Variants in ZNF425 observed in about 807,000 individuals in gnomAD.
The protein encoded by ZNF425 is zinc finger protein 425.
A neutral mutation model predicts 17.0 loss-of-function variants in ZNF425; 21 were observed. The ratio of observed to expected loss-of-function variants is 1.23; its 90% CI spans 0.88 to 1.78. ZNF425 has a LOEUF of 1.78. ZNF425 is among the 40% of genes most tolerant of loss of function. ZNF425 has a pLI of 0.00. For synonymous variants in ZNF425, 433 were observed against 384.1 expected, an observed-to-expected ratio of 1.13 and a Z score of -1.49; for missense variants, 868 against 967.3, an observed-to-expected ratio of 0.90 and a Z score of 1.36.
intron 1 of ZNF425, among the ~76,000 whole-genome samples, chr7:149,120,476 C>T (rs1826332263): frequency 6.6e-6 from 1 of 152,168 alleles, no homozygotes; most frequent in Admixed American, 6.6e-5. Context: ...TCCTTGAGAT[C>T]CATCCAAGTT....
At chr7:149,125,900 A>C in intron 1 of ZNF425, 1 of 579,434 alleles carries the variant, frequency 1.7e-6, no homozygotes, top group East Asian at 3.0e-5. Flanking sequence ...TAGCGCATAT[A>C]CAGCGCAGAG....
chr7:149,107,360 C>T (rs573860451), intron 3 of ZNF425, among the ~76,000 whole-genome samples: 72 of 144,582 alleles, frequency 5.0e-4, no homozygotes, highest in African/African-American at 1.8e-3. Context: ...TTTTCTGAGA[C>T]AGAGTCTAGC....
chr7:149,116,538 C>T (rs936079746), intron 2 of ZNF425, among the ~76,000 whole-genome samples: 2 of 152,124 alleles, frequency 1.3e-5, no homozygotes, highest in African/African-American at 4.8e-5. Flanking sequence ...TGAAATCGCA[C>T]CAGAACGGCC....
At chr7:149,105,948 A>AT (rs1563145216) in intron 3 of ZNF425, among the ~76,000 whole-genome samples, 2 of 118,234 alleles carry the variant, frequency 1.7e-5, no homozygotes, top group East Asian at 2.5e-4. Flanking sequence ...TTTAAAAAAA[A>AT]TTTTTTTCCT....
Position 149,121,324 on chromosome 7 carries a change from T to C in ZNF425, c.19-2976A>G, listed in dbSNP as rs1166569991. ...TTTAGCCGGGATGGTCTCGATCTCC[T>C]GACCTCGTGATCCGCCCGCCTCGGC... On this transcript the variant is annotated intron_variant, in intron 1 of 3. Coordinates refer to ENST00000378061, the MANE Select transcript of ZNF425 (RefSeq NM_001001661.3). Among the ~76,000 whole-genome samples, 4 of 30,730 alleles carry C rather than the reference T, an allele frequency of 1.3e-4. 2 individuals are homozygous for C. The highest frequency in any genetic ancestry group is 2.5e-4 in the Non-Finnish European group (4 of 15,908). 20.2% of individuals were successfully genotyped at this position (30,730 alleles called of 152,430 possible).
intron 1 of ZNF425, among the ~76,000 whole-genome samples, chr7:149,124,867 T>C (rs2129518750): frequency 6.6e-6 from 1 of 152,324 alleles, no homozygotes; most frequent in South Asian, 2.1e-4. Flanking sequence ...CCTATAAAAT[T>C]CCCATTTATG....
chr7:149,104,733 G>T lies in ZNF425; in HGVS notation c.1138C>A (p.His380Asn). Residue 380 changes from histidine (H) to asparagine (N), a missense_variant, in exon 4 of 4, where the codon CAC becomes AAC. Around this residue, in one of 5 missense-constraint regions of ZNF425, gnomAD observed 243 missense variants for 265.2 expected, o/e 0.92. Coordinates refer to ENST00000378061, the MANE Select transcript of ZNF425 (RefSeq NM_001001661.3). This position sits in a 1 kb window ranked among gnomAD's most constrained non-coding sequence, Gnocchi z 4.3. The part of the protein sequence containing the change: ...KAALKTHQRT[H>N]SEEKPFSCGE... ...CAAGAAAACGGCTTTTCCTCGCTGTGCGTCCTCTGGTGGGTCTTCAGGGCA... is the reference window on the plus strand; with the variant it reads ...CAAGAAAACGGCTTTTCCTCGCTGTTCGTCCTCTGGTGGGTCTTCAGGGCA... 6.2e-7 allele frequency: 1 copy of T among 1,613,206 alleles called. No individual in the cohort carries two copies. Among genetic ancestry groups the T allele is most frequent in the Non-Finnish European group, 8.5e-7 (1 of 1,179,946 alleles).
intron 3 of ZNF425, among the ~76,000 whole-genome samples, chr7:149,106,217 T>A (rs1826080891): frequency 6.6e-6 from 1 of 151,844 alleles, no homozygotes; most frequent in Non-Finnish European, 1.5e-5. Context: ...CCTCCCAAAG[T>A]GCTGGGATTA....
rs1356763888 is a variant in ZNF425, at chr7:149,104,247, T to C, written c.1624A>G (p.Thr542Ala). 3.7e-6 allele frequency: 6 copies of C among 1,613,676 alleles called. No individual in the cohort carries two copies. Among genetic ancestry groups the C allele is most frequent in the Middle Eastern group, 1.7e-4 (1 of 6,060 alleles). Residue 542 changes from threonine (T) to alanine (A), a missense_variant, in exon 4 of 4, where the codon ACA becomes GCA. Physicochemically the swap from Thr to Ala is moderately conservative, Grantham distance 58. Transcript: ENST00000378061. This position sits in a 1 kb window ranked among gnomAD's most constrained non-coding sequence, Gnocchi z 4.3. ...GRSFRRRAHL[T>A]EHTRLHSGEE... ...CCACTGTGAAGCCTCGTGTGCTCTGTGAGATGCGCGCGTCGGCGGAAACTG... is the reference window on the plus strand; with the variant it reads ...CCACTGTGAAGCCTCGTGTGCTCTGCGAGATGCGCGCGTCGGCGGAAACTG...
rs199817160 is a variant in ZNF425, at chr7:149,105,532, A to G, written c.339T>C (p.Asp113=). Residue 113 remains aspartate, a synonymous_variant, in exon 4 of 4, where the codon GAT becomes GAC. Transcript: ENST00000378061. Reference sequence around the variant, plus strand: ...GTTTTTGAGGACCATTTAAACGGCAATCCTCTTCTTTTGTCCTGGGAGTTC... The same window carrying G: ...GTTTTTGAGGACCATTTAAACGGCAGTCCTCTTCTTTTGTCCTGGGAGTTC... ...DEGTPRTKEE[D]CRLNGPQKQD... is the part of the protein sequence containing the mutation. 8 of 1,515,408 alleles carry G rather than the reference A, an allele frequency of 5.3e-6. No individual in the cohort carries two copies. Among genetic ancestry groups the G allele is most frequent in the Non-Finnish European group, 7.0e-6 (8 of 1,136,042 alleles). The allele number at this position is 1,515,408 out of a possible 1,614,324, so 93.9% of individuals were successfully genotyped here. A position where few individuals can be genotyped will look rare whatever the true frequency, so the allele number is the denominator to read the frequency against.
chr7:149,114,794 A>AAAG (rs1554457078), intron 2 of ZNF425, among the ~76,000 whole-genome samples: 1 of 151,110 alleles, frequency 6.6e-6, no homozygotes, highest in African/African-American at 2.4e-5. Flanking sequence ...AAAAAAAAAA[A>AAAG]AAAAGAAAAG....
Position 149,125,974 on chromosome 7 carries a change from G to A in ZNF425, c.18+222C>T, listed in dbSNP as rs573707527. On this transcript the variant is annotated intron_variant, in intron 1 of 3. Transcript: ENST00000378061. The stretch of plus-strand genomic sequence containing the variant: ...AGTGGCCGGGGCCACAGACGCGCGC[G>A]GCCAAGCCCGGCCAGACCAGCTTTT... 13 of 925,594 alleles carry A rather than the reference G, an allele frequency of 1.4e-5. No homozygotes were observed. The African/African-American group carries it at 1.7e-4, about 12-fold the overall frequency. The allele number at this position is 925,594 out of a possible 1,614,324, so 57.3% of individuals were successfully genotyped here.
intron 3 of ZNF425, among the ~76,000 whole-genome samples, chr7:149,111,719 T>C (rs916515644): frequency 6.6e-6 from 1 of 150,492 alleles, no homozygotes; most frequent in African/African-American, 2.5e-5. Flanking sequence ...TCGCTCTGTC[T>C]CCCAGGCTGG....
At chr7:149,106,498 A>C (rs1395830071) in intron 3 of ZNF425, among the ~76,000 whole-genome samples, 11 of 152,092 alleles carry the variant, frequency 7.2e-5, no homozygotes, top group Non-Finnish European at 1.2e-4. Flanking sequence ...GGCCTCCCAA[A>C]GTGCTGGGAT....
At position 149,103,723 on chromosome 7, in the gene ZNF425, G is replaced by C. The variant is rs2129517643; in HGVS notation, c.2148C>G (p.His716Gln). Residue 716 changes from histidine (H) to glutamine (Q), a missense_variant, in exon 4 of 4, where the codon CAC becomes CAG. Physicochemically the swap from His to Gln is conservative, Grantham distance 24 (BLOSUM62 0). Around this residue, in one of 5 missense-constraint regions of ZNF425, gnomAD observed 437 missense variants for 444.2 expected, o/e 0.98. Coordinates refer to ENST00000378061, the MANE Select transcript of ZNF425 (RefSeq NM_001001661.3). ...CACAAGAAAAAGGCCTCTCCCCACTGTGAAGGCACAGATGGGCCTTCAGGC... is the reference window on the plus strand; with the variant it reads ...CACAAGAAAAAGGCCTCTCCCCACTCTGAAGGCACAGATGGGCCTTCAGGC... ...KRSLKAHLCL[H>Q]SGERPFSCDE... 2 of 1,614,196 alleles carry C rather than the reference G, an allele frequency of 1.2e-6. No homozygotes were observed. The highest frequency in any genetic ancestry group is 4.5e-5 in the East Asian group (2 of 44,880).
chr7:149,105,013 C>T lies in ZNF425; in HGVS notation c.858G>A (p.Arg286=), dbSNP rs1318156017. 8 of 1,614,038 alleles carry T rather than the reference C, an allele frequency of 5.0e-6. No individual in the cohort carries two copies. The highest frequency in any genetic ancestry group is 6.8e-6 in the Non-Finnish European group (8 of 1,180,040). ...GACACAGGTGCTTCTTCAGGTTGGC[C>T]CTGTACCGGAAGGTCTTGTCGCACT... is the stretch of plus-strand genomic sequence containing the variant. The part of the protein sequence containing the change: ...CPECDKTFRY[R]ANLKKHLCLH... Residue 286 remains arginine (R), a synonymous_variant, in exon 4 of 4, where the codon AGG becomes AGA. Transcript: ENST00000378061.
intron 1 of ZNF425, among the ~76,000 whole-genome samples, chr7:149,122,079 C>CTTTTTTTTTT (rs1187182130): frequency 7.7e-6 from 1 of 129,110 alleles, no homozygotes; most frequent in African/African-American, 2.9e-5. Flanking sequence ...CCACCGCCGG[C>CTTTTTTTTTT]TTTTTTTTTT....
intron 1 of ZNF425, among the ~76,000 whole-genome samples, chr7:149,119,572 A>T (rs1826319063): frequency 1.3e-5 from 2 of 152,146 alleles, no homozygotes; most frequent in African/African-American, 4.8e-5. Flanking sequence ...ACACAACTAC[A>T]GTCAGCCTTT....
intron 1 of ZNF425, among the ~76,000 whole-genome samples, chr7:149,123,493 T>C (rs1312553279): frequency 2.6e-5 from 4 of 152,228 alleles, no homozygotes; most frequent in African/African-American, 9.6e-5. Flanking sequence ...AAAGCTTAAG[T>C]ATCAGCTATT....
Sources: gnomAD v4.1 joint callset for allele counts (sites outside exome capture counted in the v4.1 genomes callset) on GRCh38, gnomAD v4.1.1 for gene constraint, gnomAD v4.1.1 regional missense constraint, Gnocchi (gnomAD v3.1) non-coding constraint, MANE v1.5 for transcripts, NCBI Gene and HGNC (gene_info 2026-07-23, HGNC 2026-07-21) for gene names.